The following KNDC1 variants were observed in gnomAD, a reference collection of about 807,000 sequenced individuals.
The protein encoded by KNDC1 is kinase non-catalytic C-lobe domain containing 1, also known as kinase non-catalytic C-lobe domain-containing protein 1.
Under a neutral mutation model 172.8 loss-of-function variants are expected in KNDC1, and 106 were observed. The observed-to-expected ratio is 0.61, with a 90% CI of 0.52 to 0.72. The LOEUF (loss-of-function observed/expected upper bound fraction) is 0.72. Among genes scored for constraint, KNDC1 ranks in the 30% least tolerant of loss-of-function variants. KNDC1 has a pLI of 0.00. For missense variants in KNDC1, 2,325 were observed against 2,394.5 expected (o/e 0.97, Z 0.61); for synonymous variants, 1,083 against 1,062.2 (o/e 1.02, Z -0.38).
intron 3 of KNDC1, among the ~76,000 whole-genome samples, chr10:133,181,828 G>A (rs1853724533): frequency 1.8e-5 from 1 of 54,636 alleles, no homozygotes; most frequent in Non-Finnish European, 4.3e-5. Flanking sequence ...GAAGCCCCAG[G>A]ACCGTCCACA....
intron 6 of KNDC1, 81 bp downstream of exon 6, chr10:133,186,755 G>T (rs151145298): frequency 0.015 from 15,042 of 975,348 alleles, 175 homozygotes; most frequent in South Asian, 0.03. Context: ...AGATGCAAAC[G>T]CTTTGTTTAA....
chr10:133,200,184 G>A (rs901141025), intron 15 of KNDC1, among the ~76,000 whole-genome samples, 191 bp from the exon 16 acceptor site: 5 of 152,156 alleles, frequency 3.3e-5, no homozygotes, highest in African/African-American at 1.2e-4. Context: ...GTCCCCCCAG[G>A]GACCCCAAGC....
In KNDC1 at chr10:133,212,839, G is replaced by T; in HGVS notation, c.4360G>T (p.Ala1454Ser). The change falls in exon 24 of 30, where the codon GCC becomes TCC. Residue 1454 changes from alanine to serine, a missense_variant. Coordinates refer to ENST00000304613, the MANE Select transcript of KNDC1 (RefSeq NM_152643.8). ...CFLEDFYGPC[A>S]KTSEKGPYFL... The stretch of plus-strand genomic sequence containing the variant: ...CCTCGAGGACTTCTACGGCCCCTGC[G>T]CCAAGACCAGTGAGAAGGGGCCCTA... 2 of 1,613,974 alleles carry T rather than the reference G, an allele frequency of 1.2e-6. No homozygotes were observed. The highest frequency in any genetic ancestry group is 1.7e-6 in the Non-Finnish European group (2 of 1,179,954).
chr10:133,223,932 G>GGC (rs1845665529), intron 29 of KNDC1, among the ~76,000 whole-genome samples: 1 of 101,952 alleles, frequency 9.8e-6, no homozygotes, highest in African/African-American at 4.2e-5. Flanking sequence ...TGCTCTTCCC[G>GGC]GCGTGTGTGT....
rs1035874472 is a variant in KNDC1, at chr10:133,208,577, G to A, written c.3794+1226G>A. On this transcript the variant is annotated intron_variant, in intron 20 of 29. Coordinates refer to ENST00000304613, the MANE Select transcript of KNDC1 (RefSeq NM_152643.8). ...CCCCAAGGACCCTCTAGAGAGGGAC[G>A]TGGCCCCACCTCCGACCCCGTTCTC... Among the ~76,000 whole-genome samples, 33 of 31,376 alleles carry A rather than the reference G, an allele frequency of 1.1e-3. 8 individuals carry two copies. The highest frequency in any genetic ancestry group is 3.1e-3 in the African/African-American group (26 of 8,350). 20.6% of individuals were successfully genotyped at this position (31,376 alleles called of 152,430 possible). A position where few individuals can be genotyped will look rare whatever the true frequency, so the allele number is the denominator to read the frequency against.
At chr10:133,178,771 G>T (rs910125745) in intron 3 of KNDC1, 4 of 152,214 alleles carry the variant, frequency 2.6e-5, no homozygotes, top group South Asian at 2.1e-4. Context: ...ACAGTCAGGG[G>T]TGCCGTAGGA....
chr10:133,189,879 T>C, intron 9 of KNDC1, 66 bp downstream of exon 9: 1 of 1,146,958 alleles, frequency 8.7e-7, no homozygotes, highest in Non-Finnish European at 1.2e-6. Flanking sequence ...ACGTCCCCCA[T>C]CTGTCCAGCA....
intron 1 of KNDC1, among the ~76,000 whole-genome samples, chr10:133,165,481 G>T (rs1444131200): frequency 2.0e-5 from 3 of 152,198 alleles, no homozygotes; most frequent in Admixed American, 2.0e-4. Context: ...GGCCCCGCAG[G>T]GGGACGGGGA....
rs891694032 is a variant in KNDC1 at position 133,190,947 on chromosome 10, C to T, written c.1575+1134C>T. 1.1e-4 allele frequency among the ~76,000 whole-genome samples: 16 copies of T among 152,320 alleles called. No individual in the cohort carries two copies. In the East Asian group the frequency reaches 2.7e-3, roughly 26 times the overall value. On this transcript the variant is annotated intron_variant, in intron 9 of 29. Coordinates refer to ENST00000304613, the MANE Select transcript of KNDC1 (RefSeq NM_152643.8). ...ATCCCTTCAGGGTTAGTGCTTTCCCCTTCAAGGAACGAAAATCGCTGGGAA... is the reference window on the plus strand; with the variant it reads ...ATCCCTTCAGGGTTAGTGCTTTCCCTTTCAAGGAACGAAAATCGCTGGGAA...
chr10:133,166,567 AGT>A (rs371450560), intron 1 of KNDC1, among the ~76,000 whole-genome samples: 151 of 151,748 alleles, frequency 1.0e-3, no homozygotes, highest in Admixed American at 2.6e-3. Flanking sequence ...TCATTGCATG[AGT>A]GTGTGTGTGT....
intron 2 of KNDC1, 60 bp from the exon 3 acceptor site, chr10:133,168,194 C>T (rs1392203662): frequency 1.9e-5 from 29 of 1,489,164 alleles, no homozygotes; most frequent in South Asian, 5.6e-5. Context: ...TCTCAGCTGG[C>T]GGGTTCAGGT....
intron 3 of KNDC1, among the ~76,000 whole-genome samples, chr10:133,172,862 G>T (rs982913481): frequency 1.3e-5 from 2 of 152,172 alleles, no homozygotes; most frequent in African/African-American, 4.8e-5. Flanking sequence ...AATTAGCCGG[G>T]CATGGTGGCA....
intron 1 of KNDC1, among the ~76,000 whole-genome samples, chr10:133,165,149 T>C (rs1401695476): frequency 6.6e-6 from 1 of 152,202 alleles, no homozygotes; most frequent in Non-Finnish European, 1.5e-5. Context: ...GAGACCATCC[T>C]ATCCCTGAGG....
At chr10:133,162,322 A>C (rs987473115) in intron 1 of KNDC1, among the ~76,000 whole-genome samples, 3 of 147,210 alleles carry the variant, frequency 2.0e-5, no homozygotes, top group African/African-American at 7.5e-5. Context: ...GCATGGGAAA[A>C]CCGTCCTGGG....
In KNDC1 at chr10:133,226,206, T is replaced by C. The variant is rs1242071860; in HGVS notation, c.*1316T>C. 3.3e-5 allele frequency: 5 copies of C among 152,348 alleles called. 1 individual carries two copies. In the South Asian group the frequency reaches 8.3e-4, roughly 25 times the overall value. 9.4% of individuals were successfully genotyped at this position (152,348 alleles called of 1,614,324 possible). ...CTGGCCACGAAATGCAGTTCACTTTTTTTTAGGCTTTTATATGGATTATGT... is the reference window on the plus strand; with the variant it reads ...CTGGCCACGAAATGCAGTTCACTTTCTTTTAGGCTTTTATATGGATTATGT... On this transcript the variant is annotated 3_prime_UTR_variant, in exon 30 of 30. Transcript: ENST00000304613.
intron 20 of KNDC1, among the ~76,000 whole-genome samples, 197 bp from the exon 21 acceptor site, chr10:133,210,414 G>C (rs1339137329): frequency 6.8e-6 from 1 of 147,754 alleles, no homozygotes; most frequent in Non-Finnish European, 1.5e-5. Flanking sequence ...AAGGCTGGAA[G>C]TAGTTGGGAA....
At chr10:133,219,268 C>G (rs1457672647) in intron 28 of KNDC1, among the ~76,000 whole-genome samples, 178 bp downstream of exon 28, 1 of 152,266 alleles carries the variant, frequency 6.6e-6, no homozygotes, top group East Asian at 1.9e-4. Context: ...TCTGTTGCCA[C>G]CTGGGCAGAG....
intron 17 of KNDC1, 126 bp downstream of exon 17, chr10:133,202,024 G>T (rs528282597): frequency 1.8e-6 from 2 of 1,097,800 alleles, no homozygotes; most frequent in Non-Finnish European, 2.7e-6. Flanking sequence ...CACTGGTCCT[G>T]GTGCCCCCAC....
At chr10:133,167,616 C>T (rs986551537) in intron 2 of KNDC1, 37 bp downstream of exon 2, 33 of 1,543,742 alleles carry the variant, frequency 2.1e-5, no homozygotes, top group Admixed American at 9.8e-5. Context: ...GCGGCGGGCA[C>T]GCGGGGTGGA....
Sources: gnomAD v4.1 joint callset for allele counts (sites outside exome capture counted in the v4.1 genomes callset) on GRCh38, gnomAD v4.1.1 for gene constraint, MANE v1.5 for transcripts, NCBI Gene and HGNC (gene_info 2026-07-23, HGNC 2026-07-21) for gene names.